PDE10A: variants seen among roughly 807,000 people sequenced by gnomAD.
PDE10A encodes the protein phosphodiesterase 10A, also known as cAMP and cAMP-inhibited cGMP 3',5'-cyclic phosphodiesterase 10A.
In PDE10A, 39 loss-of-function variants were observed where a neutral mutation model predicts 97.7. The observed-to-expected ratio is 0.40, with a 90% CI of 0.31 to 0.52. PDE10A has a LOEUF of 0.52. PDE10A is among the 20% of genes least tolerant of loss of function. The pLI, the probability that PDE10A is intolerant of heterozygous loss-of-function variation, is 0.56. For missense variants in PDE10A, 731 were observed against 1,047.8 expected, an observed-to-expected ratio of 0.70 and a Z score of 4.17; for synonymous variants, 371 against 376.8, an observed-to-expected ratio of 0.98 and a Z score of 0.18.
intron 1 of PDE10A, among the ~76,000 whole-genome samples, chr6:165,836,717 T>G (rs1016614922): frequency 6.6e-6 from 1 of 151,966 alleles, no homozygotes; most frequent in Non-Finnish European, 1.5e-5. Flanking sequence ...GAGCTGAAAG[T>G]GGGGGGTCAG....
intron 1 of PDE10A, among the ~76,000 whole-genome samples, chr6:165,730,454 T>C (rs367589273): frequency 1.3e-5 from 2 of 152,268 alleles, no homozygotes; most frequent in East Asian, 1.9e-4. Context: ...ATATGTCCAA[T>C]TTTAAAAGAT....
intron 1 of PDE10A, among the ~76,000 whole-genome samples, chr6:165,594,193 T>C (rs781583905): frequency 2.6e-5 from 4 of 152,146 alleles, no homozygotes; most frequent in Admixed American, 6.6e-5. Flanking sequence ...CATTTCCCAC[T>C]GAACAGAACC....
rs144096360 is a variant in PDE10A at position 165,892,831 on chromosome 6, C to G, written c.-615+94698G>C. ...GTTAAAAGGGTCTTGGGCAATCATT[C>G]TGTCCAAGGGAAGGCTGACCATGAA... On this transcript the variant is annotated intron_variant, in intron 1 of 19. Coordinates refer to the PDE10A transcript ENST00000366882. Among the ~76,000 whole-genome samples, 4 of 152,310 alleles carry G rather than the reference C, an allele frequency of 2.6e-5. No homozygotes were observed. The East Asian group carries it at 5.8e-4, about 22-fold the overall frequency.
rs78986069 is a variant in PDE10A at position 165,741,107 on chromosome 6, T to C, written c.-614-197539A>G. Among the ~76,000 whole-genome samples the C allele has an allele frequency of 9.6e-3, 1,459 of 152,274 alleles. 13 individuals carry two copies. Among genetic ancestry groups the C allele is most frequent in the Non-Finnish European group, 0.015 (1,015 of 68,014 alleles). ...ACTTGAAATTTGCTAAGAGATTAAGTAGATCTTAAATGTTCTCACCACATA... is the reference window on the plus strand; with the variant it reads ...ACTTGAAATTTGCTAAGAGATTAAGCAGATCTTAAATGTTCTCACCACATA... On this transcript the variant is annotated intron_variant, in intron 1 of 19. Coordinates refer to the PDE10A transcript ENST00000366882.
At chr6:165,397,702 C>CAAAAAAAAAAAAAAAAAAA (rs71026686) in intron 13 of PDE10A, among the ~76,000 whole-genome samples, 1 of 88,392 alleles carries the variant, frequency 1.1e-5, no homozygotes. Flanking sequence ...AACTCCATCT[C>CAAAAAAAAAAAAAAAAAAA]AAAAAAAAAA....
In PDE10A at chr6:165,813,384, G is replaced by A. The variant is rs532019225; in HGVS notation, c.-615+174145C>T. ...ATTTACTGAGAACCTCATGGGAACC[G>A]CATATGTTATGGAGACATGGAGACG... On this transcript the variant is annotated intron_variant, in intron 1 of 19. Transcript: ENST00000366882. 1.2e-4 allele frequency among the ~76,000 whole-genome samples: 18 copies of A among 147,550 alleles called. No homozygotes were observed. The South Asian group carries it at 3.0e-3, about 25-fold the overall frequency.
rs1781384118 is a variant in PDE10A at position 165,509,394 on chromosome 6, A to C, written c.995-27051T>G. Among the ~76,000 whole-genome samples the C allele has an allele frequency of 2.0e-5, 3 of 152,084 alleles. No homozygotes were observed. In the South Asian group the frequency reaches 6.2e-4, roughly 32 times the overall value. ...TGTGTCGAAAATCAGTTGGCTATAA[A>C]CATGTGAAATTATTTCTGAGTTCTT... On this transcript the variant is annotated intron_variant, in intron 2 of 21. Transcript: ENST00000539869.
At chr6:165,338,187 C>T (rs183229925) in intron 20 of PDE10A, among the ~76,000 whole-genome samples, 226 of 152,316 alleles carry the variant, frequency 1.5e-3, no homozygotes, top group African/African-American at 5.1e-3. Flanking sequence ...TAAGTGGAGG[C>T]AATGGCCATT....
At chr6:165,575,554 T>A (rs1460719481) in intron 1 of PDE10A, among the ~76,000 whole-genome samples, 2 of 152,122 alleles carry the variant, frequency 1.3e-5, no homozygotes, top group Non-Finnish European at 2.9e-5. Flanking sequence ...GTCTTCAAAC[T>A]CTCCTTGCCC....
chr6:165,582,336 A>G (rs950733457), intron 1 of PDE10A, among the ~76,000 whole-genome samples: 1 of 152,228 alleles, frequency 6.6e-6, no homozygotes, highest in Non-Finnish European at 1.5e-5. Flanking sequence ...CAACCAATGG[A>G]AAAATAAAAA....
At chr6:165,651,113 A>G (rs777564873) in intron 1 of PDE10A, among the ~76,000 whole-genome samples, 9 of 152,216 alleles carry the variant, frequency 5.9e-5, no homozygotes, top group East Asian at 1.9e-4. Flanking sequence ...TCCCACCAGG[A>G]AAGTACAGAA....
chr6:165,521,267 A>G (rs1782114023), intron 2 of PDE10A, among the ~76,000 whole-genome samples: 1 of 152,020 alleles, frequency 6.6e-6, no homozygotes. Flanking sequence ...TCTCTCCTTG[A>G]GCCTCCTTAT....
intron 1 of PDE10A, among the ~76,000 whole-genome samples, chr6:165,591,016 G>A (rs928187390): frequency 3.3e-5 from 5 of 152,140 alleles, no homozygotes; most frequent in South Asian, 2.1e-4. Context: ...AAAATGAGAC[G>A]GAGTTGCTTT....
chr6:165,921,976 C>A (rs1360811544), intron 1 of PDE10A, among the ~76,000 whole-genome samples: 1 of 152,042 alleles, frequency 6.6e-6, no homozygotes, highest in Non-Finnish European at 1.5e-5. Context: ...GAGAAGCAAG[C>A]CGGGTGCATG....
chr6:165,375,754 G>C (rs1417185855), intron 18 of PDE10A, among the ~76,000 whole-genome samples: 1 of 152,084 alleles, frequency 6.6e-6, no homozygotes, highest in Non-Finnish European at 1.5e-5. Flanking sequence ...GTGACATCAG[G>C]GTAAAGCCAA....
At chr6:165,455,413 C>T (rs989481016) in intron 3 of PDE10A, among the ~76,000 whole-genome samples, 2 of 152,038 alleles carry the variant, frequency 1.3e-5, no homozygotes, top group Non-Finnish European at 2.9e-5. Context: ...TGAAGGATCC[C>T]CACGTAGGAA....
intron 1 of PDE10A, among the ~76,000 whole-genome samples, chr6:165,573,276 G>GTT (rs11288936): frequency 2.1e-5 from 3 of 142,596 alleles, no homozygotes; most frequent in Non-Finnish European, 3.1e-5. Flanking sequence ...TGATGTCTGG[G>GTT]TTTTTTTTTT....
chr6:165,557,980 C>G (rs1784342120), intron 1 of PDE10A, among the ~76,000 whole-genome samples: 1 of 152,168 alleles, frequency 6.6e-6, no homozygotes, highest in Non-Finnish European at 1.5e-5. Flanking sequence ...TGAGTGCCTA[C>G]TATGAATCAG....
intron 1 of PDE10A, among the ~76,000 whole-genome samples, chr6:165,640,993 G>A (rs1789102907): frequency 2.0e-5 from 3 of 152,094 alleles, no homozygotes; most frequent in Admixed American, 6.5e-5. Context: ...GTCTTAAATC[G>A]GTGACCTCAG....
Sources: allele counts gnomAD v4.1 joint callset (sites outside exome capture counted in the v4.1 genomes callset), GRCh38; gene constraint gnomAD v4.1.1; transcripts MANE v1.5; gene names NCBI Gene and HGNC (gene_info 2026-07-23, HGNC 2026-07-21).